Variants in GPC5 observed in about 807,000 individuals in gnomAD.
The protein encoded by GPC5 is glypican-5.
GPC5 carries 47 observed loss-of-function variants against 53.9 expected under a neutral mutation model. That is an observed-to-expected ratio of 0.87 (90% confidence interval 0.69 to 1.11). GPC5 has a LOEUF of 1.11. Among genes scored for constraint, GPC5 ranks in the 50% most tolerant of loss-of-function variants. The pLI is 0.00. For synonymous variants in GPC5, 286 were observed against 263.3 expected, an observed-to-expected ratio of 1.09 and a Z score of -0.84; for missense variants, 748 against 713.1, an observed-to-expected ratio of 1.05 and a Z score of -0.56.
chr13:92,196,933 A>G (rs2042260702), intron 7 of GPC5, among the ~76,000 whole-genome samples: 1 of 152,324 alleles, frequency 6.6e-6, no homozygotes, highest in South Asian at 2.1e-4. Context: ...TTAAAATAAT[A>G]TTTATTTGGG....
chr13:91,752,679 T>C (rs1009450468), intron 4 of GPC5, among the ~76,000 whole-genome samples: 4 of 152,196 alleles, frequency 2.6e-5, no homozygotes, highest in African/African-American at 7.2e-5. Flanking sequence ...TGCATATTAC[T>C]TTCCTGAAAG....
intron 7 of GPC5, among the ~76,000 whole-genome samples, chr13:92,270,282 C>T (rs941728155): frequency 2.0e-5 from 3 of 152,120 alleles, no homozygotes; most frequent in African/African-American, 7.2e-5. Flanking sequence ...TTGTAATCCC[C>T]ACTGTTGGAG....
At chr13:92,832,407 T>C (rs986686709) in intron 7 of GPC5, among the ~76,000 whole-genome samples, 3 of 152,198 alleles carry the variant, frequency 2.0e-5, no homozygotes, top group African/African-American at 7.2e-5. Flanking sequence ...TCCAACCAGA[T>C]ATGTAATGGA....
intron 6 of GPC5, among the ~76,000 whole-genome samples, chr13:92,002,961 A>G (rs765013131): frequency 6.6e-6 from 1 of 152,220 alleles, no homozygotes; most frequent in Admixed American, 6.5e-5. Context: ...GAACATTTAA[A>G]TGGAAGAGTA....
intron 2 of GPC5, among the ~76,000 whole-genome samples, chr13:91,543,215 A>C (rs981810118): frequency 6.6e-6 from 1 of 151,218 alleles, no homozygotes; most frequent in Non-Finnish European, 1.5e-5. Context: ...CTGGTCTCGA[A>C]CTCCTGACCT....
intron 7 of GPC5, among the ~76,000 whole-genome samples, chr13:92,175,855 C>A (rs188645426): frequency 1.3e-5 from 2 of 152,046 alleles, no homozygotes; most frequent in Non-Finnish European, 2.9e-5. Flanking sequence ...TACAAGACCC[C>A]GTTACCAATT....
At chr13:92,743,552 C>G (rs904819447) in intron 7 of GPC5, among the ~76,000 whole-genome samples, 2 of 152,072 alleles carry the variant, frequency 1.3e-5, no homozygotes, top group Non-Finnish European at 2.9e-5. Flanking sequence ...TTGACTTCCT[C>G]TTTTCCTAAT....
intron 5 of GPC5, among the ~76,000 whole-genome samples, chr13:91,791,350 A>T (rs913110894): frequency 6.6e-6 from 1 of 152,128 alleles, no homozygotes; most frequent in Non-Finnish European, 1.5e-5. Flanking sequence ...CGCTACCTAG[A>T]TGCTCCCTGG....
intron 7 of GPC5, among the ~76,000 whole-genome samples, chr13:92,613,380 T>C (rs1282787887): frequency 2.9e-5 from 2 of 68,362 alleles, no homozygotes; most frequent in African/African-American, 5.9e-5. Flanking sequence ...TATAAATATA[T>C]TATATTATAT....
At chr13:91,863,477 A>T (rs908095745) in intron 5 of GPC5, among the ~76,000 whole-genome samples, 1 of 152,206 alleles carries the variant, frequency 6.6e-6, no homozygotes, top group Non-Finnish European at 1.5e-5. Context: ...ACACTAATAC[A>T]TGTTGAACAC....
intron 7 of GPC5, among the ~76,000 whole-genome samples, chr13:92,227,367 G>A (rs2042495457): frequency 6.6e-6 from 1 of 152,132 alleles, no homozygotes; most frequent in South Asian, 2.1e-4. Context: ...ATAATCTAGA[G>A]GGCCCCAAAG....
intron 7 of GPC5, among the ~76,000 whole-genome samples, chr13:92,199,856 C>G (rs1159831060): frequency 6.6e-6 from 1 of 152,172 alleles, no homozygotes; most frequent in Admixed American, 6.5e-5. Flanking sequence ...TCCCTCTAGA[C>G]TGCTGTATAT....
At chr13:91,417,319 T>C (rs1043559710) in intron 1 of GPC5, among the ~76,000 whole-genome samples, 2 of 152,062 alleles carry the variant, frequency 1.3e-5, no homozygotes, top group Non-Finnish European at 2.9e-5. Flanking sequence ...TTAGAGATCA[T>C]TGGGTGTGTA....
At chr13:92,760,106 C>T (rs1379407164) in intron 7 of GPC5, among the ~76,000 whole-genome samples, 1 of 151,974 alleles carries the variant, frequency 6.6e-6, no homozygotes, top group African/African-American at 2.4e-5. Flanking sequence ...AGAATTTTTG[C>T]ATTGATGTTC....
intron 7 of GPC5, among the ~76,000 whole-genome samples, chr13:92,513,122 G>A (rs1042323125): frequency 6.6e-6 from 1 of 152,198 alleles, no homozygotes; most frequent in Non-Finnish European, 1.5e-5. Context: ...TCAGAGGGAT[G>A]GGAAGACGTA....
At chr13:92,524,624 C>A (rs1461963395) in intron 7 of GPC5, among the ~76,000 whole-genome samples, 2 of 152,064 alleles carry the variant, frequency 1.3e-5, no homozygotes, top group African/African-American at 4.8e-5. Context: ...GTCTCCTAGA[C>A]CTGTGGTGAG....
chr13:91,905,973 A>G (rs542264939), intron 5 of GPC5, among the ~76,000 whole-genome samples: 3 of 152,158 alleles, frequency 2.0e-5, no homozygotes, highest in African/African-American at 4.8e-5. Flanking sequence ...CTGAGATTTT[A>G]TTGCACGTGT....
rs572233869 is a variant in GPC5 at position 91,986,928 on chromosome 13, T to A, written c.1401+78871T>A. Among the ~76,000 whole-genome samples the A allele has an allele frequency of 8.5e-5, 12 of 141,174 alleles. No homozygotes were observed. The East Asian group carries it at 2.3e-3, about 27-fold the overall frequency. The allele number at this position is 141,174 out of a possible 152,430, so 92.6% of individuals were successfully genotyped here. Reference sequence around the variant, plus strand: ...CTTGTGTAGATAGTTACAAGGTGACTGTGGCTGAATGCTTCATTAAGCAGT... The same window carrying A: ...CTTGTGTAGATAGTTACAAGGTGACAGTGGCTGAATGCTTCATTAAGCAGT... On this transcript the variant is annotated intron_variant, in intron 6 of 7. Coordinates refer to ENST00000377067, the MANE Select transcript of GPC5 (RefSeq NM_004466.6).
rs144435707 is a variant in GPC5 at position 91,930,565 on chromosome 13, A to G, written c.1401+22508A>G. On this transcript the variant is annotated intron_variant, in intron 6 of 7. Transcript: ENST00000377067. ...TTAGGTGGAACCATATGAAATTGTC[A>G]GTATTCAGCCTTTTTTGTCCTACAA... is the stretch of plus-strand genomic sequence containing the variant. 7.9e-3 allele frequency among the ~76,000 whole-genome samples: 1,205 copies of G among 152,150 alleles called. 7 individuals are homozygous for G. Among genetic ancestry groups the G allele is most frequent in the Non-Finnish European group, 0.01 (710 of 67,964 alleles).
Sources: allele counts gnomAD v4.1 joint callset (sites outside exome capture counted in the v4.1 genomes callset), GRCh38; gene constraint gnomAD v4.1.1; transcripts MANE v1.5; gene names NCBI Gene and HGNC (gene_info 2026-07-23, HGNC 2026-07-21).